The following MGAT4C variants were observed in gnomAD, a reference collection of about 807,000 sequenced individuals.
MGAT4C encodes alpha-1,3-mannosyl-glycoprotein 4-beta-N-acetylglucosaminyltransferase C.
Under a neutral mutation model 40.1 loss-of-function variants are expected in MGAT4C, and 19 were observed. The ratio of observed to expected loss-of-function variants is 0.47; its 90% CI spans 0.33 to 0.70. MGAT4C has a LOEUF of 0.70. MGAT4C is among the 30% of genes least tolerant of loss of function. MGAT4C has a pLI of 0.02. For synonymous variants in MGAT4C, 181 were observed against 187.1 expected, an observed-to-expected ratio of 0.97 and a Z score of 0.27; for missense variants, 491 against 563.2, an observed-to-expected ratio of 0.87 and a Z score of 1.30.
chr12:86,561,747 T>C (rs934963903), intron 2 of MGAT4C, among the ~76,000 whole-genome samples: 4 of 152,178 alleles, frequency 2.6e-5, no homozygotes, highest in African/African-American at 9.6e-5. Flanking sequence ...CCTTCATATA[T>C]ACATCTATCC....
chr12:86,245,952 A>G (rs1305762240), intron 1 of MGAT4C, among the ~76,000 whole-genome samples: 2 of 152,178 alleles, frequency 1.3e-5, no homozygotes, highest in Non-Finnish European at 2.9e-5. Context: ...TTACACCATT[A>G]TACAGTTTTA....
In MGAT4C at chr12:85,961,822, A is replaced by G. The variant is rs1348912417; in HGVS notation, c.*17467T>C. ...AGTCAGGAGGCTTGGATTGGCAGCT[A>G]TTAAATACAATTTGAAGCCGTGGGA... On this transcript the variant is annotated 3_prime_UTR_variant, in exon 5 of 5. Transcript: ENST00000611864. 1 of 151,912 alleles carries G rather than the reference A, an allele frequency of 6.6e-6. No homozygotes were observed. The highest frequency in any genetic ancestry group is 2.4e-5 in the African/African-American group (1 of 41,442). 9.4% of individuals were successfully genotyped at this position (151,912 alleles called of 1,614,324 possible).
At chr12:86,542,067 T>TA (rs1959170976) in intron 2 of MGAT4C, among the ~76,000 whole-genome samples, 1 of 152,218 alleles carries the variant, frequency 6.6e-6, no homozygotes, top group African/African-American at 2.4e-5. Context: ...GTTCTCAACC[T>TA]GTGGACTCCG....
intron 2 of MGAT4C, among the ~76,000 whole-genome samples, chr12:86,465,302 T>C (rs1042866600): frequency 6.6e-6 from 1 of 152,068 alleles, no homozygotes; most frequent in Non-Finnish European, 1.5e-5. Context: ...AAAACTTAAA[T>C]GACCTTGGGT....
chr12:86,772,309 A>C (rs192708410), intron 1 of MGAT4C, among the ~76,000 whole-genome samples: 3 of 152,316 alleles, frequency 2.0e-5, no homozygotes, highest in Admixed American at 2.0e-4. Flanking sequence ...AATTCGATAC[A>C]TGCTGAAACA....
At chr12:86,729,235 A>G (rs921688719) in intron 1 of MGAT4C, among the ~76,000 whole-genome samples, 1 of 152,184 alleles carries the variant, frequency 6.6e-6, no homozygotes, top group Admixed American at 6.5e-5. Context: ...TTGTAACACA[A>G]AGGATAAATG....
chr12:86,589,405 T>C (rs1287205433), intron 2 of MGAT4C, among the ~76,000 whole-genome samples: 1 of 152,130 alleles, frequency 6.6e-6, no homozygotes, highest in Admixed American at 6.6e-5. Flanking sequence ...ATTGTGGCAA[T>C]AATCAATACC....
chr12:86,041,969 C>A (rs1414717898), intron 2 of MGAT4C, among the ~76,000 whole-genome samples: 3 of 152,138 alleles, frequency 2.0e-5, no homozygotes, highest in African/African-American at 7.2e-5. Flanking sequence ...GGTCTCAAAG[C>A]ACTTGCTTTA....
chr12:86,439,757 G>A (rs1179245294), intron 2 of MGAT4C, among the ~76,000 whole-genome samples: 1 of 151,608 alleles, frequency 6.6e-6, no homozygotes, highest in Non-Finnish European at 1.5e-5. Flanking sequence ...AAGAGAGAAG[G>A]TTCAAATAAA....
intron 2 of MGAT4C, among the ~76,000 whole-genome samples, chr12:86,566,021 G>C (rs1180157668): frequency 6.6e-6 from 1 of 152,114 alleles, no homozygotes; most frequent in Non-Finnish European, 1.5e-5. Flanking sequence ...CCCTATCTTG[G>C]GGTGATCAGC....
At chr12:86,747,463 CA>C (rs1240876131) in intron 1 of MGAT4C, among the ~76,000 whole-genome samples, 1 of 151,578 alleles carries the variant, frequency 6.6e-6, no homozygotes, top group African/African-American at 2.4e-5. Context: ...CGAATAATTT[CA>C]CAATTATTTC....
In MGAT4C at chr12:86,019,443, C is replaced by T. The variant is rs563079239; in HGVS notation, c.-6-29891G>A. 7.2e-5 allele frequency among the ~76,000 whole-genome samples: 11 copies of T among 152,144 alleles called. No individual in the cohort carries two copies. In the East Asian group the frequency reaches 1.5e-3, roughly 21 times the overall value. ...AATATATCTCTGATGTTGTATGCAT[C>T]CTAGTCTACACAGAGTTTATCAGAG... On this transcript the variant is annotated intron_variant, in intron 2 of 4. Transcript: ENST00000611864.
intron 3 of MGAT4C, among the ~76,000 whole-genome samples, chr12:86,396,331 T>A (rs745599027): frequency 3.3e-5 from 5 of 152,112 alleles, no homozygotes; most frequent in Non-Finnish European, 7.4e-5. Flanking sequence ...TGTGAGAACC[T>A]TAAAAAATAT....
intron 2 of MGAT4C, among the ~76,000 whole-genome samples, chr12:86,491,597 G>A (rs1489898316): frequency 1.3e-5 from 2 of 151,550 alleles, no homozygotes; most frequent in African/African-American, 4.9e-5. Flanking sequence ...ATTCAACAAC[G>A]CTTCATGCTA....
Position 86,481,251 on chromosome 12 carries a change from G to C in MGAT4C, c.-228-45986C>G, listed in dbSNP as rs115755550. On this transcript the variant is annotated intron_variant, in intron 2 of 7. Transcript: ENST00000548651. ...CAGCTTTCTTTTATAGCTCAGTCTA[G>C]AGGGTTATAAAGAAGCCTGAAATAA... is the stretch of plus-strand genomic sequence containing the variant. Among the ~76,000 whole-genome samples the C allele has an allele frequency of 8.1e-3, 1,234 of 152,060 alleles. 22 individuals are homozygous for C. The highest frequency in any genetic ancestry group is 0.028 in the African/African-American group (1,182 of 41,520).
At chr12:86,379,842 T>C (rs1955896505) in intron 3 of MGAT4C, among the ~76,000 whole-genome samples, 1 of 152,108 alleles carries the variant, frequency 6.6e-6, no homozygotes, top group African/African-American at 2.4e-5. Flanking sequence ...TGTTTTATCC[T>C]GAGTTAGAAT....
intron 1 of MGAT4C, among the ~76,000 whole-genome samples, chr12:86,221,834 C>T (rs2135988642): frequency 6.6e-6 from 1 of 152,330 alleles, no homozygotes; most frequent in South Asian, 2.1e-4. Context: ...CTAAGGGCTG[C>T]AGGATTCATG....
At chr12:86,109,826 T>C (rs573877790) in intron 1 of MGAT4C, among the ~76,000 whole-genome samples, 32 of 152,046 alleles carry the variant, frequency 2.1e-4, no homozygotes, top group African/African-American at 7.0e-4. Flanking sequence ...GTAAAAAAAG[T>C]GACCACACTG....
intron 1 of MGAT4C, among the ~76,000 whole-genome samples, chr12:86,254,455 A>G (rs1312217990): frequency 2.6e-5 from 4 of 152,040 alleles, no homozygotes; most frequent in Non-Finnish European, 5.9e-5. Flanking sequence ...GCTGAATAAG[A>G]TTTTCTTCAT....
Sources: gnomAD v4.1 joint callset for allele counts (sites outside exome capture counted in the v4.1 genomes callset) on GRCh38, gnomAD v4.1.1 for gene constraint, MANE v1.5 for transcripts, NCBI Gene and HGNC (gene_info 2026-07-23, HGNC 2026-07-21) for gene names.